Variants in LRMDA observed in about 807,000 individuals in gnomAD.
LRMDA encodes leucine rich melanocyte differentiation associated.
In LRMDA, 18 loss-of-function variants were observed where a neutral mutation model predicts 29.8. The ratio of observed to expected loss-of-function variants is 0.60; its 90% confidence interval spans 0.42 to 0.90. The LOEUF (loss-of-function observed/expected upper bound fraction) is 0.90. Among genes scored for constraint, LRMDA ranks in the 40% least tolerant of loss-of-function variants. LRMDA has a pLI of 0.00. For missense variants in LRMDA, 273 were observed against 273.9 expected (o/e 1.00, Z 0.02); for synonymous variants, 125 against 109.4 (o/e 1.14, Z -0.89).
chr10:75,961,180 T>C (rs1846759230), intron 2 of LRMDA, among the ~76,000 whole-genome samples: 4 of 152,226 alleles, frequency 2.6e-5, no homozygotes, highest in Admixed American at 2.6e-4. Flanking sequence ...ATATTTCTAA[T>C]ACTCTTGCCA....
chr10:75,478,725 G>A (rs1251984142), intron 2 of LRMDA, among the ~76,000 whole-genome samples: 1 of 152,088 alleles, frequency 6.6e-6, no homozygotes, highest in Non-Finnish European at 1.5e-5. Flanking sequence ...TAATACATAA[G>A]GATTTCCGTG....
chr10:75,983,369 C>T (rs528969709), intron 2 of LRMDA, among the ~76,000 whole-genome samples: 7 of 152,294 alleles, frequency 4.6e-5, no homozygotes, highest in African/African-American at 1.7e-4. Context: ...TCTCTTCTCT[C>T]GAAACATGAT....
intron 2 of LRMDA, among the ~76,000 whole-genome samples, chr10:75,761,732 A>G (rs1843098181): frequency 6.6e-6 from 1 of 152,200 alleles, no homozygotes; most frequent in African/African-American, 2.4e-5. Flanking sequence ...AAGGATATCT[A>G]AGAAGCAAGG....
intron 5 of LRMDA, among the ~76,000 whole-genome samples, chr10:76,097,479 A>G (rs568409757): frequency 6.6e-6 from 1 of 152,244 alleles, no homozygotes; most frequent in African/African-American, 2.4e-5. Flanking sequence ...ATGCATGCAG[A>G]TATCTTTGCC....
intron 5 of LRMDA, among the ~76,000 whole-genome samples, chr10:76,274,715 C>T (rs1840109900): frequency 6.6e-6 from 1 of 152,236 alleles, no homozygotes; most frequent in Admixed American, 6.5e-5. Flanking sequence ...GATCAACAAT[C>T]ACTGTAATGG....
intron 5 of LRMDA, among the ~76,000 whole-genome samples, chr10:76,170,226 A>G (rs1850810312): frequency 6.6e-6 from 1 of 152,236 alleles, no homozygotes; most frequent in Non-Finnish European, 1.5e-5. Context: ...TTAGACTCAT[A>G]TAAACTCAGA....
intron 5 of LRMDA, among the ~76,000 whole-genome samples, chr10:76,093,346 CAAA>C (rs76474770): frequency 3.1e-5 from 4 of 129,302 alleles, no homozygotes; most frequent in Non-Finnish European, 5.1e-5. Context: ...TTATTATAGA[CAAA>C]AAAAAAAAAA....
chr10:76,105,872 G>T lies in LRMDA; in HGVS notation c.516+47089G>T, dbSNP rs530055530. Reference sequence around the variant, plus strand: ...AGCAATTCTCCTGTCTCAGCCTCCTGAGTAGCTGGGACTACAGGCGCATGC... The same window carrying T: ...AGCAATTCTCCTGTCTCAGCCTCCTTAGTAGCTGGGACTACAGGCGCATGC... On this transcript the variant is annotated intron_variant, in intron 5 of 6. Coordinates refer to ENST00000611255, the MANE Select transcript of LRMDA (RefSeq NM_001305581.2). Among the ~76,000 whole-genome samples, 31 of 152,220 alleles carry T rather than the reference G, an allele frequency of 2.0e-4. No individual in the cohort carries two copies. The South Asian group carries it at 6.2e-3, about 31-fold the overall frequency.
At chr10:76,058,035 G>T (rs1402876423) in intron 4 of LRMDA, among the ~76,000 whole-genome samples, 2 of 152,192 alleles carry the variant, frequency 1.3e-5, no homozygotes, top group Non-Finnish European at 2.9e-5. Flanking sequence ...CCTAGCATTT[G>T]TTGGGCCATT....
At chr10:75,894,470 A>G (rs1845549582) in intron 2 of LRMDA, among the ~76,000 whole-genome samples, 1 of 152,190 alleles carries the variant, frequency 6.6e-6, no homozygotes, top group Non-Finnish European at 1.5e-5. Context: ...GCAATTGTGA[A>G]TTGTGCTGCT....
At chr10:76,479,069 A>G (rs1221155713) in intron 6 of LRMDA, among the ~76,000 whole-genome samples, 3 of 151,568 alleles carry the variant, frequency 2.0e-5, no homozygotes, top group Non-Finnish European at 4.4e-5. Flanking sequence ...TATAAATAAA[A>G]AAAGATCACA....
At chr10:75,843,899 G>A (rs1844587384) in intron 2 of LRMDA, among the ~76,000 whole-genome samples, 1 of 152,172 alleles carries the variant, frequency 6.6e-6, no homozygotes, top group Admixed American at 6.5e-5. Flanking sequence ...TGAGGCAAAA[G>A]CTCTGGGGAA....
chr10:75,764,924 GAC>G (rs1843143498), intron 2 of LRMDA, among the ~76,000 whole-genome samples: 1 of 138,990 alleles, frequency 7.2e-6, no homozygotes, highest in Admixed American at 7.2e-5. Flanking sequence ...CCCTGCAAGA[GAC>G]ACGTGTGTGT....
At chr10:76,428,078 G>T (rs1002154047) in intron 6 of LRMDA, among the ~76,000 whole-genome samples, 9 of 151,576 alleles carry the variant, frequency 5.9e-5, no homozygotes, top group Non-Finnish European at 1.0e-4. Context: ...TTTTTTTGTT[G>T]TGTCTCTGCC....
chr10:75,605,591 A>G (rs559243841), intron 2 of LRMDA, among the ~76,000 whole-genome samples: 1 of 152,238 alleles, frequency 6.6e-6, no homozygotes, highest in Non-Finnish European at 1.5e-5. Flanking sequence ...GTCCTAACGC[A>G]TCCTTTCTGG....
At chr10:75,701,870 A>G (rs902928699) in intron 2 of LRMDA, among the ~76,000 whole-genome samples, 1 of 151,802 alleles carries the variant, frequency 6.6e-6, no homozygotes, top group Admixed American at 6.6e-5. Flanking sequence ...CTGTCATGTC[A>G]CTCCCAGGCT....
chr10:76,250,535 C>G (rs1470897240), intron 5 of LRMDA, among the ~76,000 whole-genome samples: 1 of 152,030 alleles, frequency 6.6e-6, no homozygotes, highest in Non-Finnish European at 1.5e-5. Flanking sequence ...AAAGGGTATC[C>G]GTTTCTCATC....
intron 6 of LRMDA, among the ~76,000 whole-genome samples, chr10:76,467,354 A>AG (rs1842574632): frequency 6.6e-6 from 1 of 152,354 alleles, no homozygotes; most frequent in South Asian, 2.1e-4. Flanking sequence ...TTTAAAGGTG[A>AG]GGGGACAGTT....
At chr10:76,556,258 G>A (rs375317199) in intron 6 of LRMDA, 2 of 152,268 alleles carry the variant, frequency 1.3e-5, no homozygotes, top group African/African-American at 4.8e-5. Flanking sequence ...GAAATCAAAT[G>A]CATTCTGACC....
Sources: gnomAD v4.1 joint callset for allele counts (sites outside exome capture counted in the v4.1 genomes callset) on GRCh38, gnomAD v4.1.1 for gene constraint, MANE v1.5 for transcripts, NCBI Gene and HGNC (gene_info 2026-07-23, HGNC 2026-07-21) for gene names.